RABGEF1: variants seen among roughly 807,000 people sequenced by gnomAD.
RABGEF1 encodes the protein rab5 GDP/GTP exchange factor.
In RABGEF1, 26 loss-of-function variants were observed where a neutral mutation model predicts 57.3. The observed-to-expected ratio is 0.45, with a 90% CI of 0.33 to 0.63. The LOEUF is 0.63. Among genes scored for constraint, RABGEF1 ranks in the 20% least tolerant of loss-of-function variants. The pLI, the probability that RABGEF1 is intolerant of heterozygous loss-of-function variation, is 0.02. For synonymous variants in RABGEF1, 185 were observed against 210.7 expected (o/e 0.88, Z 1.06); for missense variants, 464 against 607.6 (o/e 0.76, Z 2.48).
intron 1 of RABGEF1, among the ~76,000 whole-genome samples, chr7:66,698,801 C>T (rs371750090): frequency 2.6e-5 from 4 of 152,192 alleles, no homozygotes; most frequent in South Asian, 2.1e-4. Context: ...GTCAGACCCA[C>T]GGGAGTTTCA....
At chr7:66,782,955 C>T (rs1301780269) in intron 3 of RABGEF1, among the ~76,000 whole-genome samples, 1 of 152,206 alleles carries the variant, frequency 6.6e-6, no homozygotes, top group African/African-American at 2.4e-5. Flanking sequence ...AAAGCACTTA[C>T]TGCCTGTTAC....
chr7:66,800,243 G>A (rs1026724214), intron 7 of RABGEF1, among the ~76,000 whole-genome samples: 7 of 152,152 alleles, frequency 4.6e-5, no homozygotes, highest in African/African-American at 1.7e-4. Context: ...CAGAAGAAAT[G>A]GAGGTTTGCT....
In RABGEF1 at chr7:66,810,463, A is replaced by T. The variant is rs1325657994; in HGVS notation, c.*1179A>T. 3 of 152,202 alleles carry T rather than the reference A, an allele frequency of 2.0e-5. No individual in the cohort carries two copies. The highest frequency in any genetic ancestry group is 6.5e-5 in the Admixed American group (1 of 15,272). The allele number at this position is 152,202 out of a possible 1,614,324, so 9.4% of individuals were successfully genotyped here. A position where few individuals can be genotyped will look rare whatever the true frequency, so the allele number is the denominator to read the frequency against. ...CCATATCACCCCTCCGTTAAGAACCACTGATGTCTTTTACAAACCAGGAGT... is the reference window on the plus strand; with the variant it reads ...CCATATCACCCCTCCGTTAAGAACCTCTGATGTCTTTTACAAACCAGGAGT... On this transcript the variant is annotated 3_prime_UTR_variant, in exon 9 of 9. Coordinates refer to ENST00000284957, the MANE Select transcript of RABGEF1 (RefSeq NM_014504.3).
chr7:66,744,351 A>G (rs1256449493), intron 1 of RABGEF1, among the ~76,000 whole-genome samples: 1 of 150,404 alleles, frequency 6.6e-6, no homozygotes, highest in Non-Finnish European at 1.5e-5. Context: ...TGGGCAAAAT[A>G]GCAAGACTGC....
intron 1 of RABGEF1, 143 bp from the exon 2 acceptor site, chr7:66,771,739 CT>C: frequency 4.2e-6 from 2 of 479,110 alleles, no homozygotes; most frequent in Non-Finnish European, 7.0e-6. Flanking sequence ...CCTTCCTCCT[CT>C]TTCTCCCTCC....
At chr7:66,664,591 G>A in the RABGEF1 span, among the ~76,000 whole-genome samples, 1 of 152,010 alleles carries the variant, frequency 6.6e-6, no homozygotes, top group East Asian at 1.9e-4. Context: ...GCAACAGAAC[G>A]AGACCGTGTC....
At chr7:66,765,494 A>G (rs571153370) in intron 1 of RABGEF1, among the ~76,000 whole-genome samples, 1 of 152,090 alleles carries the variant, frequency 6.6e-6, no homozygotes, top group Non-Finnish European at 1.5e-5. Flanking sequence ...CGACAAAAGT[A>G]GTTAGGGGAC....
chr7:66,706,449 C>A (rs568068161), intron 1 of RABGEF1, among the ~76,000 whole-genome samples: 1 of 152,058 alleles, frequency 6.6e-6, no homozygotes, highest in African/African-American at 2.4e-5. Flanking sequence ...CTCGCTCCGT[C>A]CCCAGGCTGG....
intron 4 of RABGEF1, among the ~76,000 whole-genome samples, chr7:66,786,358 A>G (rs1046523145): frequency 2.6e-5 from 4 of 152,248 alleles, no homozygotes; most frequent in African/African-American, 9.6e-5. Context: ...GTATGGCAGT[A>G]TAATGCTTTA....
chr7:66,792,848 T>C (rs777350097), intron 4 of RABGEF1, among the ~76,000 whole-genome samples: 3 of 152,172 alleles, frequency 2.0e-5, no homozygotes, highest in Non-Finnish European at 2.9e-5. Flanking sequence ...ACAGTGCCCT[T>C]GTGGAGCTAA....
At chr7:66,695,718 C>T (rs1012891581) in intron 1 of RABGEF1, among the ~76,000 whole-genome samples, 9 of 152,250 alleles carry the variant, frequency 5.9e-5, no homozygotes, top group South Asian at 4.1e-4. Context: ...GTAATCCTAG[C>T]ACTTTGGGAG....
Position 66,777,843 on chromosome 7 carries a change from A to T in RABGEF1, c.346+2450A>T, listed in dbSNP as rs137892865. ...AATCCAGGTGAATTTTGTTTTAAAA[A>T]TATGTATGCAGAATGATTTTTACCT... On this transcript the variant is annotated intron_variant, in intron 3 of 8. Coordinates refer to ENST00000284957, the MANE Select transcript of RABGEF1 (RefSeq NM_014504.3). Among the ~76,000 whole-genome samples, 217 of 152,306 alleles carry T rather than the reference A, an allele frequency of 1.4e-3. 2 individuals are homozygous for T. Among genetic ancestry groups the T allele is most frequent in the Admixed American group, 4.0e-3 (61 of 15,286 alleles).
At chr7:66,782,844 G>A (rs1230759394) in intron 3 of RABGEF1, among the ~76,000 whole-genome samples, 2 of 152,150 alleles carry the variant, frequency 1.3e-5, no homozygotes, top group Non-Finnish European at 2.9e-5. Context: ...AAATCATTGG[G>A]ATATGGGGAA....
intron 6 of RABGEF1, among the ~76,000 whole-genome samples, chr7:66,798,397 G>T (rs1251675152): frequency 3.3e-5 from 5 of 152,196 alleles, no homozygotes; most frequent in Non-Finnish European, 7.3e-5. Context: ...CAGACAAGGG[G>T]CTGGTACTTG....
intron 5 of RABGEF1, among the ~76,000 whole-genome samples, chr7:66,796,202 G>A (rs1814000364): frequency 6.6e-6 from 1 of 151,834 alleles, no homozygotes; most frequent in African/African-American, 2.4e-5. Flanking sequence ...TTCCATCTTG[G>A]AATCACCATT....
chr7:66,788,716 C>A (rs866495563), intron 4 of RABGEF1, among the ~76,000 whole-genome samples: 2 of 152,104 alleles, frequency 1.3e-5, no homozygotes, highest in Non-Finnish European at 2.9e-5. Flanking sequence ...CAGTGGCTCA[C>A]GCTTGTAATC....
At chr7:66,661,298 CAAAAA>C in the RABGEF1 span, among the ~76,000 whole-genome samples, 3 of 78,044 alleles carry the variant, frequency 3.8e-5, no homozygotes, top group Non-Finnish European at 6.8e-5. Flanking sequence ...GACTCCATCT[CAAAAA>C]AAAAAAAAAA....
At chr7:66,771,074 T>A (rs952826465) in intron 1 of RABGEF1, among the ~76,000 whole-genome samples, 14 of 152,174 alleles carry the variant, frequency 9.2e-5, no homozygotes, top group Non-Finnish European at 1.8e-4. Flanking sequence ...GTTCTCCCAT[T>A]CTGTGTGTTG....
intron 1 of RABGEF1, among the ~76,000 whole-genome samples, chr7:66,693,369 C>T (rs1268677316): frequency 6.6e-6 from 1 of 152,208 alleles, no homozygotes; most frequent in Admixed American, 6.5e-5. Flanking sequence ...CAAACTCCGT[C>T]TCTCCCCTGG....
Sources: gnomAD v4.1 joint callset for allele counts (sites outside exome capture counted in the v4.1 genomes callset) on GRCh38, gnomAD v4.1.1 for gene constraint, MANE v1.5 for transcripts, NCBI Gene and HGNC (gene_info 2026-07-23, HGNC 2026-07-21) for gene names.